Variants in NUP93 observed in about 807,000 individuals in gnomAD.
NUP93 encodes nuclear pore complex protein Nup93.
In NUP93, 55 loss-of-function variants were observed where a neutral mutation model predicts 107.8. The ratio of observed to expected loss-of-function variants is 0.51; its 90% CI spans 0.41 to 0.64. The LOEUF (loss-of-function observed/expected upper bound fraction) is 0.64, where lower values mean the gene tolerates loss of function less well. NUP93 is among the 30% of genes least tolerant of loss of function. NUP93 has a pLI of 0.00. For synonymous variants in NUP93, 390 were observed against 397.5 expected (o/e 0.98, Z 0.22); for missense variants, 937 against 1,044.7 (o/e 0.90, Z 1.42).
chr16:56,834,094 G>A, intron 13 of NUP93, 34 bp from the exon 14 acceptor site: 2 of 1,612,408 alleles, frequency 1.2e-6, no homozygotes, highest in Non-Finnish European at 1.7e-6. Context: ...GAGGGGCAGT[G>A]TGGTTGTGAC....
At chr16:56,788,062 A>G (rs1162176936) in intron 3 of NUP93, among the ~76,000 whole-genome samples, 1 of 152,158 alleles carries the variant, frequency 6.6e-6, no homozygotes, top group Non-Finnish European at 1.5e-5. Context: ...GTTTAGCCCT[A>G]ACCTTTTTGG....
intron 1 of NUP93, among the ~76,000 whole-genome samples, chr16:56,741,449 T>C (rs1293213570): frequency 3.3e-5 from 5 of 152,344 alleles, no homozygotes; most frequent in Non-Finnish European, 7.3e-5. Context: ...GTTTATCTGC[T>C]AGTAAATGAA....
chr16:56,824,914 C>T (rs576353809), intron 8 of NUP93, among the ~76,000 whole-genome samples: 3 of 152,264 alleles, frequency 2.0e-5, no homozygotes, highest in African/African-American at 7.2e-5. Flanking sequence ...TAAAATAATT[C>T]ATCCAAGCGT....
intron 6 of NUP93, among the ~76,000 whole-genome samples, chr16:56,821,289 C>T (rs114406181): frequency 3.9e-5 from 6 of 152,252 alleles, no homozygotes; most frequent in East Asian, 1.9e-4. Context: ...CCGCTGCTCC[C>T]GTTCCTCAGG....
chr16:56,750,610 T>C (rs1961900219), intron 2 of NUP93, among the ~76,000 whole-genome samples: 1 of 152,210 alleles, frequency 6.6e-6, no homozygotes, highest in African/African-American at 2.4e-5. Context: ...GCTTAACATA[T>C]ATAAAAATGT....
chr16:56,841,912 A>T (rs1964034202), intron 21 of NUP93, 79 bp downstream of exon 21: 2 of 1,555,072 alleles, frequency 1.3e-6, no homozygotes, highest in Non-Finnish European at 1.7e-6. Flanking sequence ...TTATGAGACC[A>T]CATGACCCAA....
intron 13 of NUP93, among the ~76,000 whole-genome samples, chr16:56,833,865 A>G (rs16962648): frequency 3.3e-5 from 5 of 152,208 alleles, no homozygotes; most frequent in Non-Finnish European, 7.3e-5. Flanking sequence ...AGCACATGCC[A>G]TAATCGTCAG....
intron 3 of NUP93, among the ~76,000 whole-genome samples, chr16:56,792,909 CTA>C (rs1332468729): frequency 6.6e-6 from 1 of 152,110 alleles, no homozygotes; most frequent in Non-Finnish European, 1.5e-5. Context: ...AGAGCCGGAA[CTA>C]TGTTTGAATG....
intron 3 of NUP93, among the ~76,000 whole-genome samples, chr16:56,770,521 C>T (rs147324697): frequency 7.6e-4 from 115 of 152,218 alleles, no homozygotes; most frequent in Non-Finnish European, 1.2e-3. Context: ...TGACTTCCGC[C>T]ACCCCCTCCA....
chr16:56,775,099 C>G (rs780191655), intron 3 of NUP93, among the ~76,000 whole-genome samples: 7 of 151,972 alleles, frequency 4.6e-5, no homozygotes, highest in African/African-American at 1.7e-4. Context: ...TGGGGTTTCA[C>G]CATGTTGCCC....
At chr16:56,793,381 T>A (rs1192206190) in intron 3 of NUP93, among the ~76,000 whole-genome samples, 1 of 152,006 alleles carries the variant, frequency 6.6e-6, no homozygotes, top group Non-Finnish European at 1.5e-5. Context: ...ATAGTAGTGA[T>A]GGGGAGCTCT....
intron 3 of NUP93, among the ~76,000 whole-genome samples, chr16:56,777,514 T>A (rs986674009): frequency 3.9e-5 from 6 of 152,334 alleles, no homozygotes; most frequent in South Asian, 4.1e-4. Context: ...CTCTTTTTTT[T>A]ATTGACTGCC....
chr16:56,741,037 G>A (rs1321261446), intron 1 of NUP93, among the ~76,000 whole-genome samples: 1 of 143,610 alleles, frequency 7.0e-6, no homozygotes, highest in African/African-American at 2.7e-5. Context: ...GAGGGAGAGC[G>A]CTAAATTTCT....
chr16:56,802,052 C>A (rs1289054279), intron 4 of NUP93, among the ~76,000 whole-genome samples: 2 of 152,158 alleles, frequency 1.3e-5, no homozygotes, highest in Non-Finnish European at 2.9e-5. Context: ...AAAAGACTTG[C>A]TACACTTTGT....
At chr16:56,730,497 G>A (rs1462844900) in intron 1 of NUP93, among the ~76,000 whole-genome samples, 9 of 152,014 alleles carry the variant, frequency 5.9e-5, no homozygotes, top group African/African-American at 2.2e-4. Flanking sequence ...GTGCCCTCGC[G>A]CCACGCCCCT....
At chr16:56,820,548 C>T (rs1963521927) in intron 6 of NUP93, among the ~76,000 whole-genome samples, 1 of 152,200 alleles carries the variant, frequency 6.6e-6, no homozygotes. Context: ...AACTTCTGAC[C>T]TCAGGTGATC....
At chr16:56,841,566 G>T (rs1964025322) in intron 20 of NUP93, 139 bp from the exon 21 acceptor site, 2 of 1,025,086 alleles carry the variant, frequency 2.0e-6, no homozygotes, top group Admixed American at 2.4e-5. Flanking sequence ...CTCCTTTTGG[G>T]TGACTGTGTG....
chr16:56,730,802 C>T (rs1961522258), intron 1 of NUP93, among the ~76,000 whole-genome samples: 1 of 152,222 alleles, frequency 6.6e-6, no homozygotes, highest in Admixed American at 6.5e-5. Context: ...TGCCCAAGTT[C>T]ACTGGGTTTC....
chr16:56,822,567 T>TTC (rs1220968460), intron 7 of NUP93, among the ~76,000 whole-genome samples: 4 of 148,952 alleles, frequency 2.7e-5, no homozygotes, highest in Non-Finnish European at 4.5e-5. Flanking sequence ...TTCTTTTCTT[T>TTC]TTTTTTTTTT....
Sources: gnomAD v4.1 joint callset for allele counts (sites outside exome capture counted in the v4.1 genomes callset) on GRCh38, gnomAD v4.1.1 for gene constraint, MANE v1.5 for transcripts, NCBI Gene and HGNC (gene_info 2026-07-23, HGNC 2026-07-21) for gene names.